IPO11: variants seen among roughly 807,000 people sequenced by gnomAD.
IPO11 encodes importin 11, also known as importin-11.
IPO11 carries 66 observed loss-of-function variants against 143.2 expected under a neutral mutation model. That is an observed-to-expected ratio of 0.46 (90% CI 0.38 to 0.57). The LOEUF (loss-of-function observed/expected upper bound fraction) is 0.57. Ranked by LOEUF, IPO11 falls within the 20% of genes least tolerant of loss-of-function variation. IPO11 has a pLI of 0.00. For missense variants in IPO11, 1,026 were observed against 1,141.0 expected (o/e 0.90, Z 1.45); for synonymous variants, 385 against 377.8 (o/e 1.02, Z -0.22).
At chr5:62,442,818 C>T (rs539957901) in intron 2 of IPO11, among the ~76,000 whole-genome samples, 165 bp from the exon 3 acceptor site, 1 of 152,108 alleles carries the variant, frequency 6.6e-6, no homozygotes, top group South Asian at 2.1e-4. Flanking sequence ...GAGCCGAAAT[C>T]GTGTCATTGC....
intron 1 of IPO11, among the ~76,000 whole-genome samples, chr5:62,413,767 C>T (rs990624188): frequency 6.6e-6 from 1 of 152,132 alleles, no homozygotes; most frequent in Admixed American, 6.5e-5. Context: ...AATGCTTTTC[C>T]CCCTCCTGGG....
At chr5:62,444,528 C>T (rs1398486875) in intron 3 of IPO11, among the ~76,000 whole-genome samples, 4 of 151,988 alleles carry the variant, frequency 2.6e-5, no homozygotes, top group Admixed American at 6.6e-5. Context: ...TTGAATTTTA[C>T]GTGTCTGCTA....
chr5:62,450,637 A>G (rs1156323289), intron 4 of IPO11, among the ~76,000 whole-genome samples: 4 of 146,728 alleles, frequency 2.7e-5, no homozygotes, highest in Non-Finnish European at 3.0e-5. Flanking sequence ...AATGATTATA[A>G]TTTTTAGATT....
intron 28 of IPO11, among the ~76,000 whole-genome samples, chr5:62,600,620 T>C (rs1473149966): frequency 1.3e-5 from 2 of 152,214 alleles, no homozygotes; most frequent in African/African-American, 2.4e-5. Context: ...TTTGGGTTGA[T>C]AGAGTAATGT....
chr5:62,569,573 T>G (rs1025159726), intron 27 of IPO11, among the ~76,000 whole-genome samples: 2 of 152,224 alleles, frequency 1.3e-5, no homozygotes, highest in Non-Finnish European at 2.9e-5. Context: ...ATTATCTGAT[T>G]ATATAGTAAT....
intron 3 of IPO11, among the ~76,000 whole-genome samples, chr5:62,445,494 A>ATT (rs200800457): frequency 2.0e-5 from 3 of 149,824 alleles, no homozygotes; most frequent in African/African-American, 7.3e-5. Flanking sequence ...TGATTTGATG[A>ATT]TTTTTTTTTT....
intron 25 of IPO11, 102 bp from the exon 26 acceptor site, chr5:62,551,121 G>A: frequency 1.6e-6 from 1 of 627,986 alleles, no homozygotes; most frequent in Non-Finnish European, 2.8e-6. Context: ...GTAACATGGA[G>A]GAGAATGTTA....
intron 1 of IPO11, among the ~76,000 whole-genome samples, chr5:62,417,910 C>T (rs2112090384): frequency 6.6e-6 from 1 of 152,288 alleles, no homozygotes; most frequent in South Asian, 2.1e-4. Flanking sequence ...TTAATTCTTT[C>T]CCCTTATTAA....
chr5:62,416,736 T>A lies in IPO11; in HGVS notation c.-7+3807T>A, dbSNP rs190382305. ...TTATCTTTTTTTTTTTTTATTTTTT[T>A]TTTTTGAGACAGAGTACTCACTCTG... On this transcript the variant is annotated intron_variant, in intron 1 of 29. Transcript: ENST00000325324. Among the ~76,000 whole-genome samples, 345 of 148,094 alleles carry A rather than the reference T, an allele frequency of 2.3e-3. 7 individuals are homozygous for A. In the East Asian group the frequency reaches 0.05, roughly 21 times the overall value.
chr5:62,541,545 G>A (rs1420851233), intron 24 of IPO11, among the ~76,000 whole-genome samples: 1 of 151,890 alleles, frequency 6.6e-6, no homozygotes, highest in African/African-American at 2.4e-5. Flanking sequence ...GCTGAGCATG[G>A]TGGTGTGTGC....
intron 24 of IPO11, among the ~76,000 whole-genome samples, chr5:62,543,651 G>C (rs1336123460): frequency 6.6e-6 from 1 of 151,688 alleles, no homozygotes; most frequent in Non-Finnish European, 1.5e-5. Context: ...TGGATTTATT[G>C]ATTTTTTGAA....
chr5:62,441,047 G>C (rs1744456728), intron 2 of IPO11, among the ~76,000 whole-genome samples: 1 of 152,100 alleles, frequency 6.6e-6, no homozygotes, highest in Admixed American at 6.5e-5. Context: ...CCTATACAAG[G>C]TTTAAGAGGT....
intron 11 of IPO11, among the ~76,000 whole-genome samples, chr5:62,484,424 T>C (rs1746321913): frequency 6.6e-6 from 1 of 152,158 alleles, no homozygotes; most frequent in African/African-American, 2.4e-5. Flanking sequence ...ATATATCATG[T>C]AGTTTCAAAC....
chr5:62,499,636 C>T (rs1307840148), intron 16 of IPO11, among the ~76,000 whole-genome samples: 5 of 130,102 alleles, frequency 3.8e-5, no homozygotes, highest in South Asian at 2.4e-4. Flanking sequence ...AGTGCAGAGG[C>T]GCAATCTCGG....
intron 29 of IPO11, among the ~76,000 whole-genome samples, chr5:62,624,359 A>G (rs903364780): frequency 6.6e-6 from 1 of 152,134 alleles, no homozygotes; most frequent in Non-Finnish European, 1.5e-5. Flanking sequence ...TAGACTATAT[A>G]GGGTAACTTC....
Position 62,588,680 on chromosome 5 carries a change from C to T in IPO11, c.2583-2897C>T, listed in dbSNP as rs184938430. 7.2e-5 allele frequency among the ~76,000 whole-genome samples: 11 copies of T among 152,332 alleles called. No individual in the cohort carries two copies. The East Asian group carries it at 1.7e-3, about 24-fold the overall frequency. Reference sequence around the variant, plus strand: ...CCCTCAGCTCTTTAAACCCCGCATCCTCAAACTCTACCAGCTTTGCAAGCT... The same window carrying T: ...CCCTCAGCTCTTTAAACCCCGCATCTTCAAACTCTACCAGCTTTGCAAGCT... On this transcript the variant is annotated intron_variant, in intron 27 of 29. Transcript: ENST00000325324.
At chr5:62,623,130 G>A (rs1197852040) in intron 29 of IPO11, among the ~76,000 whole-genome samples, 2 of 152,160 alleles carry the variant, frequency 1.3e-5, no homozygotes, top group African/African-American at 4.8e-5. Flanking sequence ...GTTATCTGCA[G>A]CAAAACAATT....
At chr5:62,460,773 G>A (rs1056297427) in intron 5 of IPO11, among the ~76,000 whole-genome samples, 2 of 152,066 alleles carry the variant, frequency 1.3e-5, no homozygotes, top group African/African-American at 4.8e-5. Flanking sequence ...CAGTTTATTT[G>A]CATATTGTCT....
In IPO11 at chr5:62,454,697, A is replaced by G. The variant is rs530500102; in HGVS notation, c.516+2764A>G. 3.5e-4 allele frequency among the ~76,000 whole-genome samples: 54 copies of G among 152,268 alleles called. 1 individual carries two copies. The highest frequency in any genetic ancestry group is 1.3e-3 in the African/African-American group (53 of 41,546). On this transcript the variant is annotated intron_variant, in intron 5 of 29. Coordinates refer to ENST00000325324, the MANE Select transcript of IPO11 (RefSeq NM_016338.5). Reference sequence around the variant, plus strand: ...TGTAGTTACTTTCAGTGTAGTAGTTACCACATTGTGCTGACTTGTAATTGT... The same window carrying G: ...TGTAGTTACTTTCAGTGTAGTAGTTGCCACATTGTGCTGACTTGTAATTGT...
Sources: allele counts gnomAD v4.1 joint callset (sites outside exome capture counted in the v4.1 genomes callset), GRCh38; gene constraint gnomAD v4.1.1; transcripts MANE v1.5; gene names NCBI Gene and HGNC (gene_info 2026-07-23, HGNC 2026-07-21).